ZNF16: variants seen among roughly 807,000 people sequenced by gnomAD.
The protein encoded by ZNF16 is zinc finger protein 16.
ZNF16 carries 7 observed loss-of-function variants against 9.0 expected under a neutral mutation model. That is an observed-to-expected ratio of 0.78 (90% confidence interval 0.44 to 1.47). The LOEUF (loss-of-function observed/expected upper bound fraction) is 1.47. Among genes scored for constraint, ZNF16 ranks in the 40% most tolerant of loss-of-function variants. The pLI, the probability that ZNF16 is intolerant of heterozygous loss-of-function variation, is 0.01. For missense variants in ZNF16, 830 were observed against 854.2 expected, an observed-to-expected ratio of 0.97 and a Z score of 0.35; for synonymous variants, 312 against 301.5, an observed-to-expected ratio of 1.03 and a Z score of -0.36.
intron 2 of ZNF16, among the ~76,000 whole-genome samples, chr8:144,934,313 T>C (rs1833630630): frequency 6.6e-6 from 1 of 152,184 alleles, no homozygotes; most frequent in Non-Finnish European, 1.5e-5. Flanking sequence ...GCTCCCTACT[T>C]CCTGGAGTCT....
intron 1 of ZNF16, among the ~76,000 whole-genome samples, chr8:144,947,249 C>A (rs541278669): frequency 1.3e-4 from 17 of 129,178 alleles, no homozygotes; most frequent in African/African-American, 4.3e-4. Flanking sequence ...TGCTGTGGGG[C>A]CTGTGTCCTG....
chr8:144,932,085 C>A lies in ZNF16; in HGVS notation c.702G>T (p.Glu234Asp). The A allele has an allele frequency of 6.2e-7, 1 of 1,614,134 alleles. No individual in the cohort carries two copies. Among genetic ancestry groups the A allele is most frequent in the Non-Finnish European group, 8.5e-7 (1 of 1,180,038 alleles). The stretch of plus-strand genomic sequence containing the variant: ...CACAATCATCACACATAAAGGAAGC[C>A]TCCCCAGTGTGGACTATTTGACGCT... ...LIQRQIVHTGEASFMCDDCGK... is the reference protein window; with the variant it reads ...LIQRQIVHTGDASFMCDDCGK... The change falls in exon 3 of 3, where the codon GAG (glutamate) becomes GAT (aspartate). Residue 234 changes from glutamate to aspartate, a missense_variant. By Grantham distance (45) the Glu-to-Asp change is conservative. Transcript: ENST00000394909. This position sits in a 1 kb window ranked among gnomAD's most constrained non-coding sequence, Gnocchi z 5.0.
rs186227020 is a variant in ZNF16, at chr8:144,949,467, A to G, written c.-10+1330T>C. Among the ~76,000 whole-genome samples, 578 of 152,338 alleles carry G rather than the reference A, an allele frequency of 3.8e-3. 7 individuals are homozygous for G. Among genetic ancestry groups the G allele is most frequent in the African/African-American group, 0.013 (555 of 41,582 alleles). ...CCCCATGTAGGGAAAAGAAAGAAAG[A>G]TCAGACTGTTACTGTGTCTGTGTAG... is the stretch of plus-strand genomic sequence containing the variant. On this transcript the variant is annotated intron_variant, in intron 1 of 2. Coordinates refer to ENST00000394909, the MANE Select transcript of ZNF16 (RefSeq NM_006958.3).
At chr8:144,936,069 A>C (rs1833674776) in intron 2 of ZNF16, among the ~76,000 whole-genome samples, 1 of 152,214 alleles carries the variant, frequency 6.6e-6, no homozygotes, top group East Asian at 1.9e-4. Context: ...CCCATTAAGC[A>C]GTTTATCCCC....
At position 144,934,297 on chromosome 8, in the gene ZNF16, C is replaced by T. The variant is rs1175541069; in HGVS notation, c.197-1707G>A. Among the ~76,000 whole-genome samples the T allele has an allele frequency of 2.0e-5, 3 of 152,278 alleles. 1 individual carries two copies. In the East Asian group the frequency reaches 5.8e-4, roughly 29 times the overall value. ...GTGCCACTTTCAGCCAGAACACCCTCTTGCAGCTCCCTACTTCCTGGAGTC... is the reference window on the plus strand; with the variant it reads ...GTGCCACTTTCAGCCAGAACACCCTTTTGCAGCTCCCTACTTCCTGGAGTC... On this transcript the variant is annotated intron_variant, in intron 2 of 2. Transcript: ENST00000394909.
At position 144,947,070 on chromosome 8, in the gene ZNF16, G is replaced by A. The variant is rs1476796696; in HGVS notation, c.-9-855C>T. Among the ~76,000 whole-genome samples, 10 of 130,488 alleles carry A rather than the reference G, an allele frequency of 7.7e-5. 1 individual carries two copies. Among genetic ancestry groups the A allele is most frequent in the African/African-American group, 2.8e-4 (9 of 31,584 alleles). The allele number at this position is 130,488 out of a possible 152,430, so 85.6% of individuals were successfully genotyped here. On this transcript the variant is annotated intron_variant, in intron 1 of 2. Transcript: ENST00000394909. ...TGGGCCTGTGTCCTGCTGTGGGCCT[G>A]TACCCTACTGTGGGCCATACCCTGC...
At position 144,932,709 on chromosome 8, in the gene ZNF16, G is replaced by A. The variant is rs1359840295; in HGVS notation, c.197-119C>T. On this transcript the variant is annotated intron_variant, in intron 2 of 2. Transcript: ENST00000394909. The surrounding 1 kb of genome is among the most constrained non-coding windows in gnomAD (Gnocchi z 5.0). ...GGCAAGGGGAGCAGGGGATCCTCTG[G>A]GGTGGCAGTCCAGATCAGAGGGCAT... 15 of 1,071,274 alleles carry A rather than the reference G, an allele frequency of 1.4e-5. No individual in the cohort carries two copies. In the East Asian group the frequency reaches 3.2e-4, roughly 23 times the overall value. 66.4% of individuals were successfully genotyped at this position (1,071,274 alleles called of 1,614,324 possible). A position where few individuals can be genotyped will look rare whatever the true frequency, so the allele number is the denominator to read the frequency against.
Position 144,930,520 on chromosome 8 carries a change from C to G in ZNF16, c.*218G>C, listed in dbSNP as rs1166378868. ...TCCGTTCACAAGCTGTAAAAACAAG[C>G]CCAAACCCAAGACATCACAAGAGGC... On this transcript the variant is annotated 3_prime_UTR_variant, in exon 3 of 3. Transcript: ENST00000394909. The G allele has an allele frequency of 2.0e-6, 1 of 497,440 alleles. No individual in the cohort carries two copies. The highest frequency in any genetic ancestry group is 1.9e-5 in the African/African-American group (1 of 52,040). The allele number at this position is 497,440 out of a possible 1,614,324, so 30.8% of individuals were successfully genotyped here.
chr8:144,935,784 T>C (rs1485188834), intron 2 of ZNF16, among the ~76,000 whole-genome samples: 1 of 152,212 alleles, frequency 6.6e-6, no homozygotes, highest in Non-Finnish European at 1.5e-5. Flanking sequence ...GTGGCTGTGA[T>C]GCATCAGTGG....
intron 2 of ZNF16, chr8:144,945,292 C>T (rs1833899524): frequency 6.6e-6 from 1 of 152,146 alleles, no homozygotes; most frequent in Non-Finnish European, 1.5e-5. Flanking sequence ...GTATGTGCCA[C>T]CACACCTGGC....
intron 2 of ZNF16, among the ~76,000 whole-genome samples, chr8:144,934,146 T>C (rs1003817873): frequency 6.6e-6 from 1 of 152,190 alleles, no homozygotes; most frequent in African/African-American, 2.4e-5. Context: ...TCAACAAAGA[T>C]CCAAACCGGC....
chr8:144,937,784 C>T (rs1246923796), intron 2 of ZNF16, among the ~76,000 whole-genome samples: 1 of 151,940 alleles, frequency 6.6e-6, no homozygotes, highest in Non-Finnish European at 1.5e-5. Flanking sequence ...TCAAGTGATC[C>T]TCCTGCCTCA....
At position 144,931,468 on chromosome 8, in the gene ZNF16, T is replaced by A; in HGVS notation, c.1319A>T (p.Lys440Ile). The A allele has an allele frequency of 6.2e-7, 1 of 1,614,110 alleles. No individual in the cohort carries two copies. Among genetic ancestry groups the A allele is most frequent in the Non-Finnish European group, 8.5e-7 (1 of 1,180,024 alleles). The change falls in exon 3 of 3, where the codon AAA becomes ATA. Residue 440 changes from lysine (K) to isoleucine (I), a missense_variant. Lys to Ile is a moderately radical substitution (Grantham distance 102). Coordinates refer to ENST00000394909, the MANE Select transcript of ZNF16 (RefSeq NM_006958.3). ...AAGGCTGGAGCTCTGACTAAATGCT[T>A]TCCCACAGTCACTGCACTTATAGGG... Reference protein sequence around the residue: ...EKPYKCSDCGKAFSQSSSLIQ... With the variant: ...EKPYKCSDCGIAFSQSSSLIQ...
At position 144,931,978 on chromosome 8, in the gene ZNF16, C is replaced by T; in HGVS notation, c.809G>A (p.Cys270Tyr). The change falls in exon 3 of 3, where the codon TGT becomes TAT. Residue 270 changes from cysteine to tyrosine, a missense_variant. Physicochemically the swap from Cys to Tyr is radical, Grantham distance 194 (BLOSUM62 -2). Coordinates refer to ENST00000394909, the MANE Select transcript of ZNF16 (RefSeq NM_006958.3). ...MSEKAYQCSE[C>Y]GKAFRGHSDF... ...TGAGTGCCCTCGGAAGGCTTTCCCACATTCGCTGCACTGGTAAGCTTTCTC... is the reference window on the plus strand; with the variant it reads ...TGAGTGCCCTCGGAAGGCTTTCCCATATTCGCTGCACTGGTAAGCTTTCTC... The T allele has an allele frequency of 6.2e-7, 1 of 1,614,010 alleles. No individual in the cohort carries two copies. Among genetic ancestry groups the T allele is most frequent in the Non-Finnish European group, 8.5e-7 (1 of 1,179,888 alleles).
intron 2 of ZNF16, 31 bp downstream of exon 2, chr8:144,945,980 G>C (rs976972075): frequency 6.2e-7 from 1 of 1,610,874 alleles, no homozygotes; most frequent in African/African-American, 1.3e-5. Context: ...CCCAGAATAA[G>C]GGCACCAGCG....
At chr8:144,941,421 T>C (rs1833794087) in intron 2 of ZNF16, among the ~76,000 whole-genome samples, 2 of 152,220 alleles carry the variant, frequency 1.3e-5, no homozygotes, top group African/African-American at 4.8e-5. Context: ...TTAAACTTAT[T>C]GTGTCTTTGA....
intron 2 of ZNF16, among the ~76,000 whole-genome samples, chr8:144,943,596 T>C (rs1833854748): frequency 6.6e-6 from 1 of 152,040 alleles, no homozygotes; most frequent in Non-Finnish European, 1.5e-5. Context: ...TTCGGCTCAA[T>C]GCAACCTCCG....
At position 144,930,978 on chromosome 8, in the gene ZNF16, A is replaced by ATT. The variant is rs770039557; in HGVS notation, c.1808_1809insAA (p.Cys603Ter). 2 of 1,614,188 alleles carry ATT rather than the reference A, an allele frequency of 1.2e-6. No homozygotes were observed. The highest frequency in any genetic ancestry group is 1.7e-6 in the Non-Finnish European group (2 of 1,180,026). ...KVHTGEKPYT[C>*]VECGKGFSQS... Reference sequence around the variant, plus strand: ...GGCTGAAGCCCTTACCACATTCAACACAGGTGTAGGGTTTTTCCCCAGTAT... The same window carrying ATT: ...GGCTGAAGCCCTTACCACATTCAACATTCAGGTGTAGGGTTTTTCCCCAGTAT... The change falls in exon 3 of 3, where the codon TGT becomes TGAAT. Residue 603 changes from cysteine (C) to a stop codon, truncating the protein, a stop_gained and frameshift_variant. Coordinates refer to ENST00000394909, the MANE Select transcript of ZNF16 (RefSeq NM_006958.3). LOFTEE classifies it high-confidence loss of function.
chr8:144,938,001 T>C (rs1191217888), intron 2 of ZNF16, among the ~76,000 whole-genome samples: 3 of 152,204 alleles, frequency 2.0e-5, no homozygotes, highest in African/African-American at 7.2e-5. Flanking sequence ...GATATCTACT[T>C]GTCTCAGCAC....
Sources: allele counts gnomAD v4.1 joint callset (sites outside exome capture counted in the v4.1 genomes callset), GRCh38; gene constraint gnomAD v4.1.1; non-coding constraint Gnocchi (gnomAD v3.1); transcripts MANE v1.5; gene names NCBI Gene and HGNC (gene_info 2026-07-23, HGNC 2026-07-21).